Variants in TMEM178B observed in about 807,000 individuals in gnomAD.
TMEM178B encodes the protein transmembrane protein 178B.
A neutral mutation model predicts 31.0 loss-of-function variants in TMEM178B; 5 were observed. That is an observed-to-expected ratio of 0.16 (90% confidence interval 0.08 to 0.34). The LOEUF is 0.34. Among genes scored for constraint, TMEM178B ranks in the 10% least tolerant of loss-of-function variants. TMEM178B has a pLI of 1.00. For synonymous variants in TMEM178B, 164 were observed against 164.0 expected (o/e 1.00, Z 0.00); for missense variants, 275 against 400.3 (o/e 0.69, Z 2.67).
At chr7:141,402,871 CAT>C (rs1436967382) in intron 2 of TMEM178B, among the ~76,000 whole-genome samples, 1 of 152,228 alleles carries the variant, frequency 6.6e-6, no homozygotes, top group East Asian at 1.9e-4. Flanking sequence ...AGAATAGAGA[CAT>C]GTGGATACTT....
At chr7:141,487,741 C>CAA in the TMEM178B span, among the ~76,000 whole-genome samples, 913 of 30,210 alleles carry the variant, frequency 0.03, 89 homozygotes, top group Non-Finnish European at 0.059. Context: ...GACTCCGTCT[C>CAA]AAAAAAAAAA....
intron 2 of TMEM178B, among the ~76,000 whole-genome samples, chr7:141,372,543 GC>G (rs1409995193): frequency 2.6e-5 from 4 of 152,098 alleles, no homozygotes. Flanking sequence ...GGTTCCCAAA[GC>G]CCATTGCCTC....
chr7:141,491,141 C>T, the TMEM178B span, among the ~76,000 whole-genome samples: 1 of 152,184 alleles, frequency 6.6e-6, no homozygotes, highest in Non-Finnish European at 1.5e-5. Flanking sequence ...AATCCTCCCA[C>T]CTCAGCCTCC....
intron 1 of TMEM178B, among the ~76,000 whole-genome samples, chr7:141,087,871 A>G (rs1014043533): frequency 2.0e-4 from 31 of 152,256 alleles, no homozygotes; most frequent in African/African-American, 7.2e-4. Context: ...CAAGAACTCC[A>G]TTTTTCAGTT....
intron 2 of TMEM178B, among the ~76,000 whole-genome samples, chr7:141,232,003 C>T (rs904294666): frequency 7.2e-5 from 11 of 152,088 alleles, no homozygotes; most frequent in Admixed American, 2.0e-4. Flanking sequence ...TGTTCCCCAC[C>T]CATGTTTCCA....
intron 2 of TMEM178B, among the ~76,000 whole-genome samples, chr7:141,262,435 G>C (rs1798027193): frequency 6.7e-6 from 1 of 148,188 alleles, no homozygotes. Context: ...TTCTTAAAGA[G>C]GTAAAACCAT....
At chr7:141,149,949 G>C (rs1795937937) in intron 1 of TMEM178B, among the ~76,000 whole-genome samples, 1 of 151,276 alleles carries the variant, frequency 6.6e-6, no homozygotes, top group South Asian at 2.1e-4. Flanking sequence ...GAGATGGGGA[G>C]AGGTGGCCTG....
At chr7:141,395,313 T>C (rs917503) in intron 2 of TMEM178B, among the ~76,000 whole-genome samples, 36,261 of 152,074 alleles carry the variant, frequency 0.24, 4,492 homozygotes, top group Admixed American at 0.27. Flanking sequence ...TGGTGATGAG[T>C]GCCTGTAGTC....
rs962473502 is a variant in TMEM178B at position 141,261,781 on chromosome 7, T to A, written c.496+49077T>A. ...AGTGGGAGACAGGGAGTGCGTGCTC[T>A]GTCTGTTGCAGCTGCCTTTAACCCC... is the stretch of plus-strand genomic sequence containing the variant. On this transcript the variant is annotated intron_variant, in intron 2 of 3. Coordinates refer to ENST00000565468, the MANE Select transcript of TMEM178B (RefSeq NM_001195278.2). Among the ~76,000 whole-genome samples the A allele has an allele frequency of 1.2e-4, 18 of 152,160 alleles. 1 individual carries two copies. The highest frequency in any genetic ancestry group is 4.3e-4 in the African/African-American group (18 of 41,432).
intron 1 of TMEM178B, among the ~76,000 whole-genome samples, chr7:141,087,506 T>C (rs924928429): frequency 6.6e-6 from 1 of 152,002 alleles, no homozygotes; most frequent in Non-Finnish European, 1.5e-5. Context: ...TTTAAATAGA[T>C]AGAGCACTGA....
intron 1 of TMEM178B, among the ~76,000 whole-genome samples, chr7:141,182,507 G>A (rs148624659): frequency 3.3e-5 from 5 of 152,308 alleles, no homozygotes; most frequent in African/African-American, 4.8e-5. Context: ...AAACAGTCCA[G>A]TTCTAGGGCA....
intron 2 of TMEM178B, among the ~76,000 whole-genome samples, chr7:141,432,435 G>A (rs1416133851): frequency 2.0e-5 from 3 of 152,134 alleles, no homozygotes; most frequent in Non-Finnish European, 4.4e-5. Context: ...GATTACAGGC[G>A]TGAGCCACCA....
chr7:141,107,750 A>G (rs997667548), intron 1 of TMEM178B, among the ~76,000 whole-genome samples: 2 of 152,242 alleles, frequency 1.3e-5, no homozygotes, highest in Non-Finnish European at 2.9e-5. Flanking sequence ...AACAATCTGA[A>G]CTGGAGATAC....
intron 2 of TMEM178B, among the ~76,000 whole-genome samples, chr7:141,424,129 G>T (rs966035801): frequency 3.3e-5 from 5 of 152,060 alleles, no homozygotes; most frequent in African/African-American, 9.7e-5. Flanking sequence ...CTCAACATTT[G>T]TATAAGTTTT....
intron 3 of TMEM178B, among the ~76,000 whole-genome samples, chr7:141,468,832 C>T (rs891148334): frequency 1.2e-4 from 18 of 152,104 alleles, no homozygotes; most frequent in African/African-American, 2.9e-4. Flanking sequence ...CAGTCTGTGG[C>T]GAAGTGCATA....
In TMEM178B at chr7:141,476,756, T is replaced by G. The variant is rs1802371601; in HGVS notation, c.*5970T>G. ...CGCCCTTCCCAAAGGGTCCGCACAC[T>G]TTCTGCTTTGCAGCGGATCAAGTGT... On this transcript the variant is annotated 3_prime_UTR_variant, in exon 4 of 4. Transcript: ENST00000565468. 6.5e-6 allele frequency: 1 copy of G among 153,004 alleles called. No individual in the cohort carries two copies. Among genetic ancestry groups the G allele is most frequent in the Admixed American group, 6.5e-5 (1 of 15,288 alleles). The allele number at this position is 153,004 out of a possible 1,614,324, so 9.5% of individuals were successfully genotyped here. A position where few individuals can be genotyped will look rare whatever the true frequency, so the allele number is the denominator to read the frequency against.
Position 141,074,392 on chromosome 7 carries a change from T to G in TMEM178B, c.82T>G (p.Ser28Ala). ...CGGCATGCTGGCCGTGGCCATCTGC[T>G]CGGACCACTGGTACGAGACGGACGC... ...ALGMLAVAIC[S>A]DHWYETDARK... is the part of the protein sequence containing the mutation. The change falls in exon 1 of 4, where the codon TCG becomes GCG. Residue 28 changes from serine (S) to alanine (A), a missense_variant. Physicochemically the swap from Ser to Ala is moderately conservative, Grantham distance 99 (BLOSUM62 1). Coordinates refer to ENST00000565468, the MANE Select transcript of TMEM178B (RefSeq NM_001195278.2). This position sits in a 1 kb window ranked among gnomAD's most constrained non-coding sequence, Gnocchi z 5.1. 6.5e-7 allele frequency: 1 copy of G among 1,536,110 alleles called. No homozygotes were observed. Among genetic ancestry groups the G allele is most frequent in the Non-Finnish European group, 8.7e-7 (1 of 1,146,860 alleles).
intron 2 of TMEM178B, among the ~76,000 whole-genome samples, chr7:141,418,535 A>C (rs1000971974): frequency 6.6e-6 from 1 of 152,182 alleles, no homozygotes; most frequent in African/African-American, 2.4e-5. Flanking sequence ...ATTAGCCATC[A>C]GTGAAACCTG....
Position 141,171,717 on chromosome 7 carries a change from AG to A in TMEM178B, c.383-40869del, listed in dbSNP as rs1283428418. Among the ~76,000 whole-genome samples, 2 of 152,204 alleles carry A rather than the reference AG, an allele frequency of 1.3e-5. No homozygotes were observed. Among genetic ancestry groups the A allele is most frequent in the African/African-American group, 4.8e-5 (2 of 41,452 alleles). On this transcript the variant is annotated intron_variant, in intron 1 of 3. Transcript: ENST00000565468. This position sits in a 1 kb window ranked among gnomAD's most constrained non-coding sequence, Gnocchi z 4.3. ...ACAAAGACAGTGTCTTAGACAGGGC[AG>A]GGGGTAGAGAGGCGACAGTTAAGCA...
Sources: gnomAD v4.1 joint callset for allele counts (sites outside exome capture counted in the v4.1 genomes callset) on GRCh38, gnomAD v4.1.1 for gene constraint, Gnocchi (gnomAD v3.1) non-coding constraint, MANE v1.5 for transcripts, NCBI Gene and HGNC (gene_info 2026-07-23, HGNC 2026-07-21) for gene names.